NOS1AP: variants seen among roughly 807,000 people sequenced by gnomAD.
NOS1AP encodes the protein carboxyl-terminal PDZ ligand of neuronal nitric oxide synthase protein.
A neutral mutation model predicts 56.2 loss-of-function variants in NOS1AP; 21 were observed. The observed-to-expected ratio is 0.37, with a 90% CI of 0.26 to 0.54. NOS1AP has a LOEUF of 0.54. Among genes scored for constraint, NOS1AP ranks in the 20% least tolerant of loss-of-function variants. NOS1AP has a pLI of 0.84. For synonymous variants in NOS1AP, 270 were observed against 274.6 expected (o/e 0.98, Z 0.17); for missense variants, 522 against 657.8 (o/e 0.79, Z 2.26).
intron 4 of NOS1AP, among the ~76,000 whole-genome samples, chr1:162,309,007 G>C (rs1039925577): frequency 6.6e-6 from 1 of 152,176 alleles, no homozygotes; most frequent in African/African-American, 2.4e-5. Flanking sequence ...TTTTACCTCT[G>C]TGCTCAGTGC....
chr1:162,301,817 G>A (rs1383495966), intron 4 of NOS1AP, among the ~76,000 whole-genome samples: 1 of 152,204 alleles, frequency 6.6e-6, no homozygotes, highest in Non-Finnish European at 1.5e-5. Flanking sequence ...TTATTGCCAT[G>A]CTTTTGTTGA....
intron 8 of NOS1AP, 172 bp from the exon 9 acceptor site, chr1:162,365,232 T>C (rs1658038792): frequency 6.8e-7 from 1 of 1,465,300 alleles, no homozygotes; most frequent in Non-Finnish European, 9.0e-7. Context: ...TCCTTTTGGC[T>C]CCTCCTCTGG....
intron 1 of NOS1AP, among the ~76,000 whole-genome samples, chr1:162,147,162 T>A (rs1375833038): frequency 7.2e-5 from 11 of 151,846 alleles, no homozygotes; most frequent in African/African-American, 2.7e-4. Flanking sequence ...ACCCTGTCTC[T>A]ATGAAAAATA....
chr1:162,255,355 T>A (rs60441301), intron 2 of NOS1AP, among the ~76,000 whole-genome samples: 20,025 of 152,114 alleles, frequency 0.13, 1,602 homozygotes, highest in South Asian at 0.21. Context: ...CTGGCCAAAC[T>A]GAATTCAGTG....
chr1:162,241,405 G>T lies in NOS1AP; in HGVS notation c.178-45939G>T, dbSNP rs1653483659. On this transcript the variant is annotated intron_variant, in intron 2 of 9. Coordinates refer to ENST00000361897, the MANE Select transcript of NOS1AP (RefSeq NM_014697.3). ...TGGGAAACTGAAGTGAGTTCATTTT[G>T]GGAAGAGCATGGAGTTCAGAGGAGA... is the stretch of plus-strand genomic sequence containing the variant. 2.0e-5 allele frequency among the ~76,000 whole-genome samples: 3 copies of T among 152,152 alleles called. 1 individual carries two copies. The highest frequency in any genetic ancestry group is 2.0e-4 in the Admixed American group (3 of 15,282).
intron 8 of NOS1AP, chr1:162,363,463 G>A (rs373882592): frequency 6.4e-4 from 98 of 152,706 alleles, no homozygotes; most frequent in African/African-American, 2.3e-3. Flanking sequence ...CAGTCCTTTT[G>A]AGTTTTTAAT....
At chr1:162,134,865 G>A (rs1046042064) in intron 1 of NOS1AP, among the ~76,000 whole-genome samples, 1 of 152,226 alleles carries the variant, frequency 6.6e-6, no homozygotes, top group East Asian at 1.9e-4. Flanking sequence ...GCAATGCAAG[G>A]CCTTCATGAC....
chr1:162,267,596 CAAAAAAA>C (rs71829190), intron 2 of NOS1AP, among the ~76,000 whole-genome samples: 42 of 100,148 alleles, frequency 4.2e-4, no homozygotes, highest in South Asian at 1.5e-3. Flanking sequence ...CCTGTCTCTA[CAAAAAAA>C]AAAAAAAAAA....
chr1:162,264,471 C>T lies in NOS1AP; in HGVS notation c.178-22873C>T, dbSNP rs1223557844. On this transcript the variant is annotated intron_variant, in intron 2 of 9. Coordinates refer to ENST00000361897, the MANE Select transcript of NOS1AP (RefSeq NM_014697.3). The stretch of plus-strand genomic sequence containing the variant: ...TTCTCTTCTCTTCTCTTCTCCTCCC[C>T]TCCCCTCCCCTCCCCTCTCCTCCTC... Among the ~76,000 whole-genome samples the T allele has an allele frequency of 1.7e-3, 107 of 63,600 alleles. 13 individuals are homozygous for T. The highest frequency in any genetic ancestry group is 3.4e-3 in the South Asian group (4 of 1,194). The allele number at this position is 63,600 out of a possible 152,430, so 41.7% of individuals were successfully genotyped here.
At chr1:162,227,507 G>T (rs1652983450) in intron 2 of NOS1AP, among the ~76,000 whole-genome samples, 1 of 152,192 alleles carries the variant, frequency 6.6e-6, no homozygotes, top group Admixed American at 6.5e-5. Flanking sequence ...GTGTGGACTG[G>T]GGTTGGGACC....
rs144388095 is a variant in NOS1AP at position 162,165,565 on chromosome 1, G to C, written c.177+11089G>C. On this transcript the variant is annotated intron_variant, in intron 2 of 9. Coordinates refer to ENST00000361897, the MANE Select transcript of NOS1AP (RefSeq NM_014697.3). ...TAACTTGCCATAGCTCGCAGAGGTG[G>C]TAAGTGGGGAATCTAGGATTCACTT... 4.1e-3 allele frequency among the ~76,000 whole-genome samples: 621 copies of C among 152,298 alleles called. 1 individual carries two copies. Among genetic ancestry groups the C allele is most frequent in the Non-Finnish European group, 7.6e-3 (515 of 68,018 alleles).
Position 162,368,576 on chromosome 1 carries a change from C to G in NOS1AP, c.*1109C>G, listed in dbSNP as rs968188673. Reference sequence around the variant, plus strand: ...GACCACAGCCATTGCCACCCTTGGCCCATCTCTCTGCGTGCGTGCCTTGAG... The same window carrying G: ...GACCACAGCCATTGCCACCCTTGGCGCATCTCTCTGCGTGCGTGCCTTGAG... On this transcript the variant is annotated 3_prime_UTR_variant, in exon 10 of 10. Coordinates refer to ENST00000361897, the MANE Select transcript of NOS1AP (RefSeq NM_014697.3). 9.8e-5 allele frequency: 15 copies of G among 152,294 alleles called. No individual in the cohort carries two copies. The highest frequency in any genetic ancestry group is 3.6e-4 in the African/African-American group (15 of 41,464). The allele number at this position is 152,294 out of a possible 1,614,324, so 9.4% of individuals were successfully genotyped here.
intron 1 of NOS1AP, among the ~76,000 whole-genome samples, chr1:162,077,312 A>G (rs921315787): frequency 3.3e-5 from 5 of 152,178 alleles, no homozygotes; most frequent in Non-Finnish European, 7.4e-5. Flanking sequence ...TTTGAACAAC[A>G]TAGAATGTCT....
intron 1 of NOS1AP, among the ~76,000 whole-genome samples, chr1:162,082,194 T>A (rs1478660076): frequency 1.3e-3 from 1 of 772 alleles, no homozygotes; most frequent in East Asian, 0.17. Context: ...CAGTATTTGT[T>A]TTTTTTTTGT....
At chr1:162,095,266 G>C (rs1360239102) in intron 1 of NOS1AP, among the ~76,000 whole-genome samples, 1 of 152,168 alleles carries the variant, frequency 6.6e-6, no homozygotes, top group African/African-American at 2.4e-5. Flanking sequence ...TGATAGCGTG[G>C]TCCTCATGAG....
intron 4 of NOS1AP, among the ~76,000 whole-genome samples, chr1:162,305,472 C>T (rs573701471): frequency 2.0e-5 from 3 of 151,686 alleles, no homozygotes; most frequent in Admixed American, 6.6e-5. Flanking sequence ...CTTCATTAAA[C>T]GAAAGTAAAT....
At chr1:162,087,960 A>G (rs1692040753) in intron 1 of NOS1AP, among the ~76,000 whole-genome samples, 1 of 152,156 alleles carries the variant, frequency 6.6e-6, no homozygotes, top group African/African-American at 2.4e-5. Flanking sequence ...AAATATTTAT[A>G]CCTTTTGCTG....
At chr1:162,107,245 G>A (rs1191073590) in intron 1 of NOS1AP, among the ~76,000 whole-genome samples, 3 of 152,006 alleles carry the variant, frequency 2.0e-5, no homozygotes, top group African/African-American at 7.2e-5. Context: ...AGGAGAAGAG[G>A]GGTAATGGGA....
At chr1:162,342,179 G>A (rs566037414) in intron 5 of NOS1AP, among the ~76,000 whole-genome samples, 30 of 152,302 alleles carry the variant, frequency 2.0e-4, no homozygotes, top group Non-Finnish European at 3.2e-4. Context: ...CTCCTGCTTC[G>A]CTTAAGGTTC....
Sources: gnomAD v4.1 joint callset for allele counts (sites outside exome capture counted in the v4.1 genomes callset) on GRCh38, gnomAD v4.1.1 for gene constraint, MANE v1.5 for transcripts, NCBI Gene and HGNC (gene_info 2026-07-23, HGNC 2026-07-21) for gene names.